SMYD2: variants seen among roughly 807,000 people sequenced by gnomAD.
The protein encoded by SMYD2 is SET and MYND domain containing 2.
SMYD2 carries 53 observed loss-of-function variants against 59.1 expected under a neutral mutation model. The observed-to-expected ratio is 0.90, with a 90% CI of 0.72 to 1.13. SMYD2 has a LOEUF of 1.13. Among genes scored for constraint, SMYD2 ranks in the 50% most tolerant of loss-of-function variants. The pLI, the probability that SMYD2 is intolerant of heterozygous loss-of-function variation, is 0.00. For missense variants in SMYD2, 494 were observed against 544.7 expected (o/e 0.91, Z 0.93); for synonymous variants, 208 against 198.8 (o/e 1.05, Z -0.39).
intron 11 of SMYD2, among the ~76,000 whole-genome samples, 193 bp from the exon 12 acceptor site, chr1:214,336,511 G>A (rs549922324): frequency 1.4e-4 from 21 of 152,276 alleles, no homozygotes; most frequent in South Asian, 6.3e-4. Context: ...CAGCCTGGGC[G>A]ACAGAGCGAG....
Position 214,281,292 on chromosome 1 carries a change from G to A in SMYD2, c.38G>A (p.Cys13Tyr), listed in dbSNP as rs577605405. The A allele has an allele frequency of 5.2e-6, 7 of 1,347,328 alleles. No homozygotes were observed. Among genetic ancestry groups the A allele is most frequent in the Non-Finnish European group, 6.7e-6 (7 of 1,041,040 alleles). The allele number at this position is 1,347,328 out of a possible 1,614,324, so 83.5% of individuals were successfully genotyped here. Reference sequence around the variant, plus strand: ...GGCCTCGGCGGCCTGGAGCGCTTCTGCAGCCCGGGCAAAGGCCGGGGGCTG... The same window carrying A: ...GGCCTCGGCGGCCTGGAGCGCTTCTACAGCCCGGGCAAAGGCCGGGGGCTG... ...AEGLGGLERF[C>Y]SPGKGRGLRA... The change falls in exon 1 of 12, where the codon TGC (cysteine) becomes TAC (tyrosine). Residue 13 changes from cysteine (C) to tyrosine (Y), a missense_variant. By Grantham distance (194) the Cys-to-Tyr change is radical (BLOSUM62 -2). Coordinates refer to ENST00000366957, the MANE Select transcript of SMYD2 (RefSeq NM_020197.3).
intron 2 of SMYD2, 132 bp from the exon 3 acceptor site, chr1:214,314,630 C>A (rs765503574): frequency 3.1e-6 from 2 of 644,246 alleles, no homozygotes; most frequent in Non-Finnish European, 5.5e-6. Context: ...CTTTTGTGAG[C>A]ATCCTCGTGT....
intron 10 of SMYD2, chr1:214,332,885 T>C (rs1657378442): frequency 6.6e-6 from 1 of 152,210 alleles, no homozygotes; most frequent in Non-Finnish European, 1.5e-5. Context: ...ACTGATATTA[T>C]GCATTTACAG....
At chr1:214,334,085 G>A (rs986692917) in intron 10 of SMYD2, 115 bp from the exon 11 acceptor site, 25 of 837,266 alleles carry the variant, frequency 3.0e-5, no homozygotes, top group Middle Eastern at 7.3e-4. Context: ...TGGAGAGGCC[G>A]CTGGTGGGCA....
At chr1:214,281,458 G>A (rs1656443469) in intron 1 of SMYD2, 31 bp downstream of exon 1, 3 of 1,354,556 alleles carry the variant, frequency 2.2e-6, no homozygotes, top group Non-Finnish European at 2.9e-6. Flanking sequence ...GCGGCGGGCG[G>A]GAGCCGGGGG....
At chr1:214,281,740 AGGCTTGTTCCAAGCCT>A in intron 1 of SMYD2, among the ~76,000 whole-genome samples, 1 of 152,350 alleles carries the variant, frequency 6.6e-6, no homozygotes, top group African/African-American at 2.4e-5. Context: ...GCTCCGAGCC[AGGCTTGTTCCAAGCCT>A]GGGCACTCAC....
intron 1 of SMYD2, among the ~76,000 whole-genome samples, chr1:214,283,176 A>G (rs1558045905): frequency 6.6e-6 from 1 of 152,238 alleles, no homozygotes; most frequent in Non-Finnish European, 1.5e-5. Flanking sequence ...TCCTAATTGT[A>G]TCTACTACGC....
chr1:214,318,062 T>G lies in SMYD2; in HGVS notation c.349-17T>G, dbSNP rs746563827. 2.5e-6 allele frequency: 4 copies of G among 1,611,528 alleles called. No individual in the cohort carries two copies. The highest frequency in any genetic ancestry group is 2.5e-6 in the Non-Finnish European group (3 of 1,178,190). ...TTAAAAAATCTGTATCTGTGTGATT[T>G]CTTCCCCAATTGCTAGAAAATCCAC... is the stretch of plus-strand genomic sequence containing the variant. On this transcript the variant is annotated splice_polypyrimidine_tract_variant and intron_variant, in intron 3 of 11. Coordinates refer to ENST00000366957, the MANE Select transcript of SMYD2 (RefSeq NM_020197.3). This position sits in a 1 kb window ranked among gnomAD's most constrained non-coding sequence, Gnocchi z 5.4.
chr1:214,286,892 C>T (rs1656557411), intron 1 of SMYD2, among the ~76,000 whole-genome samples: 1 of 149,082 alleles, frequency 6.7e-6, no homozygotes, highest in Non-Finnish European at 1.5e-5. Context: ...ACTCTGTCAC[C>T]CAGGCTAGAG....
chr1:214,282,616 A>AT (rs1002493329), intron 1 of SMYD2, among the ~76,000 whole-genome samples: 5 of 152,150 alleles, frequency 3.3e-5, no homozygotes, highest in Admixed American at 6.5e-5. Context: ...TGTGTGCCTC[A>AT]TTCTACAATA....
At chr1:214,330,076 A>G (rs1657325515) in intron 7 of SMYD2, 92 bp from the exon 8 acceptor site, 5 of 764,134 alleles carry the variant, frequency 6.5e-6, no homozygotes, top group Non-Finnish European at 1.0e-5. Context: ...TATCCTCTGC[A>G]TGGGCCCTGC....
At chr1:214,323,203 T>C (rs1657200875) in intron 5 of SMYD2, among the ~76,000 whole-genome samples, 2 of 152,198 alleles carry the variant, frequency 1.3e-5, no homozygotes, top group South Asian at 4.1e-4. Flanking sequence ...CCGAATTGTC[T>C]CCTAATAGTC....
intron 1 of SMYD2, among the ~76,000 whole-genome samples, chr1:214,283,306 T>A (rs920881637): frequency 6.6e-6 from 1 of 152,194 alleles, no homozygotes; most frequent in Non-Finnish European, 1.5e-5. Context: ...TTTTTCTGAT[T>A]GACATTTATT....
At position 214,336,731 on chromosome 1, in the gene SMYD2, G is replaced by A. The variant is rs778741699; in HGVS notation, c.1249G>A (p.Gly417Ser). ...CATTGCAATCATGGAAGTAGCTCAC[G>A]GCAAAGATCATCCATATATTTCTGA... ...KAIAIMEVAH[G>S]KDHPYISEIK... Residue 417 changes from glycine (G) to serine (S), a missense_variant, in exon 12 of 12, where the codon GGC becomes AGC. Gly to Ser is a moderately conservative substitution (Grantham distance 56, BLOSUM62 0). Coordinates refer to ENST00000366957, the MANE Select transcript of SMYD2 (RefSeq NM_020197.3). 6.2e-6 allele frequency: 10 copies of A among 1,613,624 alleles called. No individual in the cohort carries two copies. The highest frequency in any genetic ancestry group is 1.3e-5 in the African/African-American group (1 of 74,990).
chr1:214,283,819 A>G (rs1053407109), intron 1 of SMYD2, among the ~76,000 whole-genome samples: 1 of 152,214 alleles, frequency 6.6e-6, no homozygotes, highest in Non-Finnish European at 1.5e-5. Flanking sequence ...CAGAAGTTTA[A>G]CATAAACAAT....
chr1:214,300,040 C>G (rs190679736), intron 1 of SMYD2, among the ~76,000 whole-genome samples: 1 of 152,350 alleles, frequency 6.6e-6, no homozygotes, highest in Admixed American at 6.5e-5. Flanking sequence ...GGGCACTATG[C>G]TCACTACCTG....
At chr1:214,328,910 G>C (rs1338154611) in intron 7 of SMYD2, among the ~76,000 whole-genome samples, 1 of 152,222 alleles carries the variant, frequency 6.6e-6, no homozygotes, top group African/African-American at 2.4e-5. Context: ...AGTCACCCAG[G>C]CTCCAGTGCA....
rs534771939 is a variant in SMYD2 at position 214,318,571 on chromosome 1, T to C, written c.410-288T>C. The stretch of plus-strand genomic sequence containing the variant: ...CTAGGCTGAGGCTGGTTATGAGTCA[T>C]TGCTACCCATCCCTGACCTCATTGC... On this transcript the variant is annotated intron_variant, in intron 4 of 11. Transcript: ENST00000366957. This position sits in a 1 kb window ranked among gnomAD's most constrained non-coding sequence, Gnocchi z 5.4. 1.4e-4 allele frequency among the ~76,000 whole-genome samples: 21 copies of C among 152,214 alleles called. No homozygotes were observed. Among genetic ancestry groups the C allele is most frequent in the South Asian group, 6.2e-4 (3 of 4,818 alleles).
chr1:214,317,888 A>T (rs955378278), intron 3 of SMYD2, among the ~76,000 whole-genome samples, 191 bp from the exon 4 acceptor site: 2 of 152,182 alleles, frequency 1.3e-5, no homozygotes, highest in African/African-American at 4.8e-5. Flanking sequence ...GTAGACATTT[A>T]AAAAAGCGCT....
Sources: gnomAD v4.1 joint callset for allele counts (sites outside exome capture counted in the v4.1 genomes callset) on GRCh38, gnomAD v4.1.1 for gene constraint, Gnocchi (gnomAD v3.1) non-coding constraint, MANE v1.5 for transcripts, NCBI Gene and HGNC (gene_info 2026-07-23, HGNC 2026-07-21) for gene names.